The following MED12L variants were observed in gnomAD, a reference collection of about 807,000 sequenced individuals.
The protein encoded by MED12L is mediator of RNA polymerase II transcription subunit 12-like protein.
MED12L carries 60 observed loss-of-function variants against 281.3 expected under a neutral mutation model. The ratio of observed to expected loss-of-function variants is 0.21; its 90% CI spans 0.17 to 0.26. MED12L has a LOEUF of 0.26. Among genes scored for constraint, MED12L ranks in the 10% least tolerant of loss-of-function variants. MED12L has a pLI of 1.00. For synonymous variants in MED12L, 974 were observed against 987.2 expected (o/e 0.99, Z 0.25); for missense variants, 2,146 against 2,680.9 (o/e 0.80, Z 4.41).
At chr3:151,395,758 G>A (rs1714876773) in intron 39 of MED12L, among the ~76,000 whole-genome samples, 1 of 152,212 alleles carries the variant, frequency 6.6e-6, no homozygotes, top group South Asian at 2.1e-4. Flanking sequence ...TCCTCACATG[G>A]AAATAGCGAA....
intron 16 of MED12L, among the ~76,000 whole-genome samples, chr3:151,300,842 G>GT (rs1745818687): frequency 6.6e-6 from 1 of 152,212 alleles, no homozygotes; most frequent in Non-Finnish European, 1.5e-5. Flanking sequence ...AGGAGTATGT[G>GT]TAAGAGTTTG....
At chr3:151,224,091 T>G (rs1729980018) in intron 16 of MED12L, among the ~76,000 whole-genome samples, 1 of 152,080 alleles carries the variant, frequency 6.6e-6, no homozygotes, top group South Asian at 2.1e-4. Context: ...GCACTTCTGT[T>G]TTTGTATATT....
rs567238967 is a variant in MED12L at position 151,352,515 on chromosome 3, T to G, written c.2398+2309T>G. On this transcript the variant is annotated intron_variant, in intron 17 of 44. Coordinates refer to ENST00000687756, the MANE Select transcript of MED12L (RefSeq NM_001393769.1). ...GTGTAAGCACCAGAAATTAGCTAAC[T>G]GTACTTCATATTAATGGAAATATGC... Among the ~76,000 whole-genome samples, 5 of 152,356 alleles carry G rather than the reference T, an allele frequency of 3.3e-5. No individual in the cohort carries two copies. In the East Asian group the frequency reaches 9.6e-4, roughly 29 times the overall value.
In MED12L at chr3:151,407,830, T is replaced by G. The variant is rs538840959; in HGVS notation, c.5821-1413T>G. ...ATTCATGTGTAGATAGATAGTCACC[T>G]AGAGAGATGCTGAAGTTTCGTAAAT... On this transcript the variant is annotated intron_variant, in intron 39 of 44. Transcript: ENST00000687756. Among the ~76,000 whole-genome samples the G allele has an allele frequency of 2.6e-5, 4 of 152,164 alleles. No individual in the cohort carries two copies. In the South Asian group the frequency reaches 8.3e-4, roughly 32 times the overall value.
chr3:151,156,471 C>A, intron 6 of MED12L, 141 bp downstream of exon 6: 2 of 744,206 alleles, frequency 2.7e-6, no homozygotes, highest in Non-Finnish European at 2.1e-6. Flanking sequence ...TTTCTCACAT[C>A]GAATTGTATT....
chr3:151,089,129 A>G (rs1268492200), intron 2 of MED12L, among the ~76,000 whole-genome samples: 1 of 152,160 alleles, frequency 6.6e-6, no homozygotes, highest in Non-Finnish European at 1.5e-5. Context: ...TTTTTAAGAA[A>G]CTTTGTGTTT....
intron 16 of MED12L, chr3:151,338,213 G>A: frequency 4.3e-6 from 7 of 1,613,992 alleles, no homozygotes; most frequent in Non-Finnish European, 5.9e-6. Context: ...CTTTTGTAAT[G>A]AGTGTATAAC....
chr3:151,372,563 T>A lies in MED12L; in HGVS notation c.3665-4T>A, dbSNP rs1175726599. 6.2e-7 allele frequency: 1 copy of A among 1,613,004 alleles called. No individual in the cohort carries two copies. Among genetic ancestry groups the A allele is most frequent in the African/African-American group, 1.3e-5 (1 of 75,032 alleles). ...GATTTTGCTTTTGTGATTCTATTACTTAGGAGATGCCAAAATTGGCAATAA... is the reference window on the plus strand; with the variant it reads ...GATTTTGCTTTTGTGATTCTATTACATAGGAGATGCCAAAATTGGCAATAA... On this transcript the variant is annotated splice_region_variant and splice_polypyrimidine_tract_variant and intron_variant, in intron 26 of 44. Coordinates refer to ENST00000687756, the MANE Select transcript of MED12L (RefSeq NM_001393769.1).
chr3:151,379,971 T>G, intron 31 of MED12L, 142 bp from the exon 32 acceptor site: 2 of 540,586 alleles, frequency 3.7e-6, no homozygotes, highest in Non-Finnish European at 6.5e-6. Flanking sequence ...TAAGTAGAGG[T>G]ATGATTTAAA....
rs1371518307 is a variant in MED12L, at chr3:151,368,137, C to T, written c.3449-13C>T. The stretch of plus-strand genomic sequence containing the variant: ...GTGTTAGAAAACTTGCTTTTCCAAT[C>T]CCCCTTTCCTAGCTTGTGGGGATGC... On this transcript the variant is annotated splice_polypyrimidine_tract_variant and intron_variant, in intron 24 of 44. Transcript: ENST00000687756. The T allele has an allele frequency of 1.2e-6, 2 of 1,609,524 alleles. No individual in the cohort carries two copies. The highest frequency in any genetic ancestry group is 1.1e-5 in the South Asian group (1 of 90,950).
chr3:151,357,132 T>C, intron 19 of MED12L, 81 bp from the exon 20 acceptor site: 1 of 1,202,594 alleles, frequency 8.3e-7, no homozygotes. Context: ...TGACTCAGTA[T>C]ATCTATGGTT....
chr3:151,243,640 TG>T (rs1734726736), intron 16 of MED12L, among the ~76,000 whole-genome samples: 1 of 151,730 alleles, frequency 6.6e-6, no homozygotes, highest in Non-Finnish European at 1.5e-5. Flanking sequence ...AAGGAACAAC[TG>T]GTACCAGCCG....
chr3:151,344,045 A>G (rs776055413), intron 16 of MED12L, among the ~76,000 whole-genome samples: 11 of 152,158 alleles, frequency 7.2e-5, no homozygotes, highest in Non-Finnish European at 1.2e-4. Context: ...TAGGTTAGAT[A>G]CCAACAGGTT....
chr3:151,269,442 A>G, intron 16 of MED12L: 1 of 177,790 alleles, frequency 5.6e-6, no homozygotes, highest in South Asian at 6.3e-5. Flanking sequence ...CACACACACA[A>G]AATTCAGAGA....
intron 16 of MED12L, among the ~76,000 whole-genome samples, chr3:151,281,352 G>A (rs1742785871): frequency 6.6e-6 from 1 of 151,706 alleles, no homozygotes; most frequent in Non-Finnish European, 1.5e-5. Flanking sequence ...GGAAGTTGCA[G>A]TGAGCTGAGA....
In MED12L at chr3:151,328,702, A is replaced by T. The variant is rs184462683; in HGVS notation, c.2251-21357A>T. 1.2e-5 allele frequency: 19 copies of T among 1,614,102 alleles called. No homozygotes were observed. The East Asian group carries it at 3.8e-4, about 32-fold the overall frequency. ...TGGTCTCATAAAATATCACCGAAGAAAAACGACACACAAAAGCTCTGAGCT... is the reference window on the plus strand; with the variant it reads ...TGGTCTCATAAAATATCACCGAAGATAAACGACACACAAAAGCTCTGAGCT... On this transcript the variant is annotated intron_variant, in intron 16 of 44. Transcript: ENST00000687756.
chr3:151,390,477 A>G (rs751422990), intron 38 of MED12L, among the ~76,000 whole-genome samples: 33 of 152,218 alleles, frequency 2.2e-4, no homozygotes, highest in Admixed American at 1.9e-3. Flanking sequence ...AGATTACACA[A>G]TATTGCACAG....
chr3:151,234,874 A>G (rs1371839962), intron 16 of MED12L, among the ~76,000 whole-genome samples: 2 of 152,220 alleles, frequency 1.3e-5, no homozygotes, highest in African/African-American at 2.4e-5. Flanking sequence ...GCAGAAGCCT[A>G]TCCTCAGCTG....
chr3:151,392,045 A>C (rs1394975252), intron 38 of MED12L, among the ~76,000 whole-genome samples: 1 of 152,222 alleles, frequency 6.6e-6, no homozygotes, highest in Admixed American at 6.5e-5. Flanking sequence ...TAGATATTTG[A>C]CACACAAGGA....
Sources: allele counts gnomAD v4.1 joint callset (sites outside exome capture counted in the v4.1 genomes callset), GRCh38; gene constraint gnomAD v4.1.1; transcripts MANE v1.5; gene names NCBI Gene and HGNC (gene_info 2026-07-23, HGNC 2026-07-21).